UBAC2: variants seen among roughly 807,000 people sequenced by gnomAD.
UBAC2 encodes the protein UBA domain containing 2.
Under a neutral mutation model 44.0 loss-of-function variants are expected in UBAC2, and 26 were observed. The ratio of observed to expected loss-of-function variants is 0.59; its 90% confidence interval spans 0.43 to 0.82. The LOEUF (loss-of-function observed/expected upper bound fraction) is 0.82. Among genes scored for constraint, UBAC2 ranks in the 40% least tolerant of loss-of-function variants. The pLI is 0.00. For synonymous variants in UBAC2, 155 were observed against 154.3 expected, an observed-to-expected ratio of 1.00 and a Z score of -0.04; for missense variants, 329 against 419.4, an observed-to-expected ratio of 0.78 and a Z score of 1.88.
At chr13:99,364,548 TC>T (rs919679438) in intron 7 of UBAC2, among the ~76,000 whole-genome samples, 7 of 152,028 alleles carry the variant, frequency 4.6e-5, no homozygotes, top group African/African-American at 1.5e-4. Context: ...AAACTCTCCT[TC>T]CTTTTCTGTA....
chr13:99,368,044 A>G lies in UBAC2; in HGVS notation c.927+138A>G, dbSNP rs1352419200. 3.6e-6 allele frequency: 4 copies of G among 1,115,434 alleles called. No homozygotes were observed. The East Asian group carries it at 7.8e-5, about 22-fold the overall frequency. The allele number at this position is 1,115,434 out of a possible 1,614,324, so 69.1% of individuals were successfully genotyped here. On this transcript the variant is annotated intron_variant, in intron 8 of 8. Coordinates refer to ENST00000403766, the MANE Select transcript of UBAC2 (RefSeq NM_001144072.2). ...AGCAGTCCATCTGCCACCATGATAG[A>G]GACTTTGGGCTTTTTTTTGGCTATT...
At chr13:99,250,431 G>A (rs2043443625) in intron 4 of UBAC2, among the ~76,000 whole-genome samples, 1 of 152,112 alleles carries the variant, frequency 6.6e-6, no homozygotes, top group Non-Finnish European at 1.5e-5. Context: ...GTCTGTTTTT[G>A]TACCAGTACC....
intron 4 of UBAC2, among the ~76,000 whole-genome samples, chr13:99,254,561 A>C (rs1415669048): frequency 6.6e-6 from 1 of 152,130 alleles, no homozygotes. Context: ...CTAGATAGAA[A>C]ATAATTTAAT....
chr13:99,315,731 A>G (rs2138770060), intron 5 of UBAC2, among the ~76,000 whole-genome samples: 1 of 152,300 alleles, frequency 6.6e-6, no homozygotes, highest in South Asian at 2.1e-4. Flanking sequence ...AGTTAAGTCA[A>G]TTGGTTACTA....
At chr13:99,218,928 G>T (rs79293354) in intron 1 of UBAC2, among the ~76,000 whole-genome samples, 1 of 152,152 alleles carries the variant, frequency 6.6e-6, no homozygotes, top group Non-Finnish European at 1.5e-5. Flanking sequence ...AGTGCAAGGT[G>T]TCTCTTGCAA....
At chr13:99,348,988 G>A (rs2045035903) in intron 7 of UBAC2, among the ~76,000 whole-genome samples, 1 of 152,188 alleles carries the variant, frequency 6.6e-6, no homozygotes. Flanking sequence ...AAGAAAAGGT[G>A]ACACTAGAGG....
chr13:99,238,679 T>G, intron 2 of UBAC2, 125 bp downstream of exon 2: 1 of 837,076 alleles, frequency 1.2e-6, no homozygotes. Context: ...TATTTATTAT[T>G]AATATTTCAT....
At chr13:99,319,734 G>A (rs1400829938) in intron 6 of UBAC2, among the ~76,000 whole-genome samples, 1 of 151,310 alleles carries the variant, frequency 6.6e-6, no homozygotes, top group East Asian at 1.9e-4. Flanking sequence ...CTTGAGACTT[G>A]TGGTGGCTTA....
chr13:99,314,563 A>C lies in UBAC2; in HGVS notation c.513+343A>C, dbSNP rs561342719. The C allele has an allele frequency of 8.0e-4, 137 of 171,788 alleles. 1 individual carries two copies. The highest frequency in any genetic ancestry group is 2.6e-3 in the South Asian group (14 of 5,344). 10.6% of individuals were successfully genotyped at this position (171,788 alleles called of 1,614,324 possible). ...CAAATGAGAACAATCAAAAAGTAGAAAGTAGAAAATCAGTGTCAAAATTAA... is the reference window on the plus strand; with the variant it reads ...CAAATGAGAACAATCAAAAAGTAGACAGTAGAAAATCAGTGTCAAAATTAA... On this transcript the variant is annotated intron_variant, in intron 5 of 8. Coordinates refer to ENST00000403766, the MANE Select transcript of UBAC2 (RefSeq NM_001144072.2).
At chr13:99,201,669 G>T in intron 1 of UBAC2, 1 of 1,275,244 alleles carries the variant, frequency 7.8e-7, no homozygotes, top group Non-Finnish European at 1.1e-6. Context: ...AGTTAGGCAC[G>T]GGTACAGCAA....
chr13:99,356,720 G>A (rs965524274), intron 7 of UBAC2, among the ~76,000 whole-genome samples: 4 of 152,188 alleles, frequency 2.6e-5, no homozygotes, highest in African/African-American at 9.7e-5. Context: ...AAGATCATGG[G>A]TGGCACTTCA....
chr13:99,239,180 T>G (rs2043272661), intron 2 of UBAC2, among the ~76,000 whole-genome samples: 1 of 152,250 alleles, frequency 6.6e-6, no homozygotes, highest in Non-Finnish European at 1.5e-5. Flanking sequence ...ATAATCCATT[T>G]CTTGAACACT....
chr13:99,328,827 T>A (rs1197298294), intron 6 of UBAC2, among the ~76,000 whole-genome samples: 1 of 113,078 alleles, frequency 8.8e-6, no homozygotes, highest in African/African-American at 2.6e-5. Flanking sequence ...TCTTGATTAA[T>A]TCATTGTTAA....
intron 2 of UBAC2, among the ~76,000 whole-genome samples, chr13:99,242,751 G>A (rs9554574): frequency 4.6e-5 from 5 of 109,532 alleles, no homozygotes; most frequent in East Asian, 2.9e-4. Context: ...CCTCTCTCCC[G>A]GACGGGGTGG....
At position 99,273,133 on chromosome 13, in the gene UBAC2, T is replaced by C. The variant is rs569776562; in HGVS notation, c.389+28509T>C. Among the ~76,000 whole-genome samples, 153 of 152,326 alleles carry C rather than the reference T, an allele frequency of 1.0e-3. 1 individual carries two copies. The highest frequency in any genetic ancestry group is 3.5e-3 in the African/African-American group (145 of 41,574). The stretch of plus-strand genomic sequence containing the variant: ...GATATTAATATTTTCTTTTATCTCT[T>C]CTATTAGTATACCTATTAATATATT... On this transcript the variant is annotated intron_variant, in intron 4 of 8. Coordinates refer to ENST00000403766, the MANE Select transcript of UBAC2 (RefSeq NM_001144072.2).
chr13:99,247,893 A>G (rs1220674500), intron 4 of UBAC2, among the ~76,000 whole-genome samples: 1 of 145,128 alleles, frequency 6.9e-6, no homozygotes, highest in Non-Finnish European at 1.5e-5. Flanking sequence ...TTACCTCACC[A>G]CTATATAGGA....
chr13:99,330,640 A>G (rs2044704485), intron 6 of UBAC2, among the ~76,000 whole-genome samples: 1 of 151,714 alleles, frequency 6.6e-6, no homozygotes, highest in African/African-American at 2.4e-5. Context: ...TTCTTTCCCA[A>G]TTTGTACCTT....
chr13:99,231,093 CTT>C (rs1350602137), intron 1 of UBAC2, among the ~76,000 whole-genome samples: 1 of 152,152 alleles, frequency 6.6e-6, no homozygotes, highest in Non-Finnish European at 1.5e-5. Context: ...AGCTGGATAT[CTT>C]AGGTAGTCTC....
In UBAC2 at chr13:99,232,397, G is replaced by GAT. The variant is rs768838568; in HGVS notation, c.32-6029_32-6028insTA. On this transcript the variant is annotated intron_variant, in intron 1 of 8. Coordinates refer to ENST00000403766, the MANE Select transcript of UBAC2 (RefSeq NM_001144072.2). ...CAAGACCCTGTCCATCCTTAGTTGA[G>GAT]AGATATAGATATATATATATATATT... Among the ~76,000 whole-genome samples the GAT allele has an allele frequency of 1.3e-3, 107 of 82,328 alleles. 3 individuals carry two copies. Among genetic ancestry groups the GAT allele is most frequent in the African/African-American group, 2.4e-3 (70 of 28,692 alleles). The allele number at this position is 82,328 out of a possible 152,430, so 54.0% of individuals were successfully genotyped here. A position where few individuals can be genotyped will look rare whatever the true frequency, so the allele number is the denominator to read the frequency against.
Sources: gnomAD v4.1 joint callset for allele counts (sites outside exome capture counted in the v4.1 genomes callset) on GRCh38, gnomAD v4.1.1 for gene constraint, MANE v1.5 for transcripts, NCBI Gene and HGNC (gene_info 2026-07-23, HGNC 2026-07-21) for gene names.